Variants in TSPAN18 observed in about 807,000 individuals in gnomAD.
The protein encoded by TSPAN18 is tetraspanin-18.
TSPAN18 carries 14 observed loss-of-function variants against 27.3 expected under a neutral mutation model. That is an observed-to-expected ratio of 0.51 (90% CI 0.34 to 0.80). The LOEUF (loss-of-function observed/expected upper bound fraction) is 0.80. TSPAN18 is among the 30% of genes least tolerant of loss of function. The pLI is 0.01. For synonymous variants in TSPAN18, 143 were observed against 136.5 expected, an observed-to-expected ratio of 1.05 and a Z score of -0.33; for missense variants, 268 against 323.9, an observed-to-expected ratio of 0.83 and a Z score of 1.32.
chr11:44,876,692 A>G (rs571450001), intron 3 of TSPAN18, among the ~76,000 whole-genome samples: 1 of 152,354 alleles, frequency 6.6e-6, no homozygotes, highest in East Asian at 1.9e-4. Flanking sequence ...TACATAAATA[A>G]TACATGTTCC....
intron 2 of TSPAN18, among the ~76,000 whole-genome samples, chr11:44,811,159 CACACACACACACACA>C (rs1326466206): frequency 1.3e-5 from 2 of 150,536 alleles, no homozygotes; most frequent in Non-Finnish European, 3.0e-5. Flanking sequence ...CACACACACA[CACACACACACACACA>C]CCCCTGCCTG....
chr11:44,841,074 C>T (rs2135165320), intron 2 of TSPAN18, among the ~76,000 whole-genome samples: 1 of 152,262 alleles, frequency 6.6e-6, no homozygotes, highest in Admixed American at 6.5e-5. Context: ...TATTGCCTGG[C>T]AGGATTAAAG....
chr11:44,812,233 C>A (rs186194524), intron 2 of TSPAN18, among the ~76,000 whole-genome samples: 1 of 152,200 alleles, frequency 6.6e-6, no homozygotes, highest in Non-Finnish European at 1.5e-5. Flanking sequence ...GGCTGTGTGA[C>A]CTGGGGCAAA....
chr11:44,881,086 C>G (rs1252661450), intron 3 of TSPAN18, among the ~76,000 whole-genome samples: 1 of 152,254 alleles, frequency 6.6e-6, no homozygotes, highest in Non-Finnish European at 1.5e-5. Context: ...AGCTCTGCCA[C>G]TTTCTAGTGT....
chr11:44,727,561 C>G (rs374384430), intron 1 of TSPAN18, among the ~76,000 whole-genome samples: 2 of 152,102 alleles, frequency 1.3e-5, no homozygotes, highest in East Asian at 1.9e-4. Flanking sequence ...GGTGGGCTCC[C>G]AGTGCTCCGG....
intron 1 of TSPAN18, among the ~76,000 whole-genome samples, chr11:44,748,205 C>T (rs1233628279): frequency 2.0e-5 from 3 of 152,122 alleles, no homozygotes; most frequent in East Asian, 1.9e-4. Flanking sequence ...GCCAGGAGTT[C>T]GAAGCCAGCC....
intron 9 of TSPAN18, among the ~76,000 whole-genome samples, chr11:44,927,687 A>T (rs835989): frequency 2.6e-5 from 4 of 152,110 alleles, no homozygotes; most frequent in Admixed American, 6.5e-5. Flanking sequence ...CCCCTCATGG[A>T]GGGCAACAAT....
intron 8 of TSPAN18, 173 bp from the exon 9 acceptor site, chr11:44,926,501 G>T (rs835988): frequency 0.42 from 267,695 of 635,646 alleles, 57,948 homozygotes; most frequent in Middle Eastern, 0.51. Context: ...CTGCCAAGTC[G>T]CTGTTTCTGG....
intron 3 of TSPAN18, among the ~76,000 whole-genome samples, chr11:44,882,627 C>CACACACACACTCACAG (rs375349718): frequency 7.7e-6 from 1 of 130,608 alleles, no homozygotes; most frequent in Admixed American, 7.6e-5. Context: ...CACACACACA[C>CACACACACACTCACAG]AGAGAGAGAG....
chr11:44,919,335 T>G (rs752540667), intron 7 of TSPAN18, 23 bp downstream of exon 7: 1 of 1,600,176 alleles, frequency 6.2e-7, no homozygotes, highest in Non-Finnish European at 8.6e-7. Flanking sequence ...CCAGAGATGC[T>G]ATGAACATTC....
chr11:44,851,129 G>A (rs835802), intron 2 of TSPAN18, among the ~76,000 whole-genome samples: 80,186 of 152,150 alleles, frequency 0.53, 22,429 homozygotes, highest in Non-Finnish European at 0.62. Flanking sequence ...CTGCACGTGT[G>A]TGTGGGGATG....
chr11:44,865,548 A>G (rs1858013280), intron 3 of TSPAN18, among the ~76,000 whole-genome samples: 1 of 152,204 alleles, frequency 6.6e-6, no homozygotes, highest in Non-Finnish European at 1.5e-5. Context: ...GGCTTCTTAA[A>G]AATTCAAATG....
chr11:44,731,248 T>A (rs1022316480), intron 1 of TSPAN18, among the ~76,000 whole-genome samples: 2 of 152,214 alleles, frequency 1.3e-5, no homozygotes, highest in African/African-American at 4.8e-5. Context: ...AGCCTCTCTC[T>A]GAGCCTCGGT....
intron 6 of TSPAN18, 100 bp from the exon 7 acceptor site, chr11:44,919,114 T>G: frequency 1.0e-6 from 1 of 967,404 alleles, no homozygotes; most frequent in Admixed American, 1.8e-5. Context: ...CCCCTAGCTC[T>G]CATTCCCCCA....
At chr11:44,817,335 C>T (rs186329741) in intron 2 of TSPAN18, among the ~76,000 whole-genome samples, 7 of 152,336 alleles carry the variant, frequency 4.6e-5, no homozygotes, top group East Asian at 3.9e-4. Context: ...CTGAAACCAA[C>T]GTTTACTCTC....
rs146978134 is a variant in TSPAN18, at chr11:44,882,505, G to T, written c.-11+22036G>T. Among the ~76,000 whole-genome samples the T allele has an allele frequency of 8.7e-3, 1,328 of 152,098 alleles. 12 individuals are homozygous for T. The highest frequency in any genetic ancestry group is 0.014 in the Non-Finnish European group (978 of 67,986). On this transcript the variant is annotated intron_variant, in intron 3 of 9. Transcript: ENST00000520358. ...AGGGGATTTATGCCCAGGCTCCCGG[G>T]TGCGGTGTGCTTTAAGAGGATGTGT... is the stretch of plus-strand genomic sequence containing the variant.
Position 44,929,984 on chromosome 11 carries a change from T to G in TSPAN18, c.*806T>G, listed in dbSNP as rs1344542808. On this transcript the variant is annotated 3_prime_UTR_variant, in exon 10 of 10. Transcript: ENST00000520358. ...GAGGGCAAGTCAGCCAGGAACTGCCTCCTCCCTGCTCTACAGCTAAGAAAA... is the reference window on the plus strand; with the variant it reads ...GAGGGCAAGTCAGCCAGGAACTGCCGCCTCCCTGCTCTACAGCTAAGAAAA... The G allele has an allele frequency of 2.0e-5, 3 of 152,282 alleles. No homozygotes were observed. The highest frequency in any genetic ancestry group is 2.0e-4 in the Admixed American group (3 of 15,256). 9.4% of individuals were successfully genotyped at this position (152,282 alleles called of 1,614,324 possible).
At chr11:44,874,929 A>G (rs1378657603) in intron 3 of TSPAN18, among the ~76,000 whole-genome samples, 2 of 152,230 alleles carry the variant, frequency 1.3e-5, no homozygotes, top group Admixed American at 6.5e-5. Flanking sequence ...GGAGAGAAGG[A>G]GGGGTCCCGC....
Position 44,752,367 on chromosome 11 carries a change from A to T in TSPAN18, c.-239-12059A>T, listed in dbSNP as rs539543007. Among the ~76,000 whole-genome samples the T allele has an allele frequency of 5.3e-5, 8 of 152,044 alleles. No homozygotes were observed. The South Asian group carries it at 1.7e-3, about 32-fold the overall frequency. Reference sequence around the variant, plus strand: ...AAAGCCCATCCCTTCTATTCAGCTCAGCAGAACAACTTTCTTTCTTTCTTT... The same window carrying T: ...AAAGCCCATCCCTTCTATTCAGCTCTGCAGAACAACTTTCTTTCTTTCTTT... On this transcript the variant is annotated intron_variant, in intron 1 of 9. Coordinates refer to ENST00000520358, the MANE Select transcript of TSPAN18 (RefSeq NM_130783.5).
Sources: gnomAD v4.1 joint callset for allele counts (sites outside exome capture counted in the v4.1 genomes callset) on GRCh38, gnomAD v4.1.1 for gene constraint, MANE v1.5 for transcripts, NCBI Gene and HGNC (gene_info 2026-07-23, HGNC 2026-07-21) for gene names.